AFAP1: variants seen among roughly 807,000 people sequenced by gnomAD.
The protein encoded by AFAP1 is actin filament-associated protein 1.
AFAP1 carries 75 observed loss-of-function variants against 93.9 expected under a neutral mutation model. The observed-to-expected ratio is 0.80, with a 90% CI of 0.66 to 0.97. The LOEUF is 0.97. Ranked by LOEUF, AFAP1 falls within the 50% of genes least tolerant of loss-of-function variation. AFAP1 has a pLI of 0.00. For synonymous variants in AFAP1, 517 were observed against 430.7 expected (o/e 1.20, Z -2.48); for missense variants, 1,201 against 1,050.8 (o/e 1.14, Z -1.98).
In AFAP1 at chr4:7,778,769, C is replaced by T. The variant is rs865904137; in HGVS notation, c.1890G>A (p.Thr630=). 4.3e-6 allele frequency: 7 copies of T among 1,613,944 alleles called. No individual in the cohort carries two copies. The highest frequency in any genetic ancestry group is 4.0e-5 in the African/African-American group (3 of 75,046). Residue 630 remains threonine, a synonymous_variant, in exon 14 of 18, where the codon ACG becomes ACA. Transcript: ENST00000420658. The stretch of plus-strand genomic sequence containing the variant: ...ATCCGATGGTATACTTACTCGAACC[C>T]GTCCTTTTCACAACAGCCGCGGGAT... The part of the protein sequence containing the change: ...KADPAAVVKR[T]GSNAAQYKYG...
intron 1 of AFAP1, among the ~76,000 whole-genome samples, chr4:7,934,874 C>G (rs1721288339): frequency 6.6e-6 from 1 of 152,172 alleles, no homozygotes; most frequent in Non-Finnish European, 1.5e-5. Flanking sequence ...TTTACGTGGA[C>G]ATTCATTACT....
intron 1 of AFAP1, among the ~76,000 whole-genome samples, chr4:7,902,543 C>A (rs1481574922): frequency 6.6e-6 from 1 of 151,924 alleles, no homozygotes; most frequent in Non-Finnish European, 1.5e-5. Flanking sequence ...GTTTCCGAAT[C>A]TCCTTCTATT....
intron 9 of AFAP1, among the ~76,000 whole-genome samples, chr4:7,803,453 C>A (rs76479836): frequency 6.6e-6 from 1 of 152,082 alleles, no homozygotes; most frequent in Non-Finnish European, 1.5e-5. Flanking sequence ...GTCCCGATCC[C>A]CAAAACCACA....
At chr4:7,867,085 G>GGGGAGGGGAA (rs1716492288) in intron 3 of AFAP1, among the ~76,000 whole-genome samples, 1 of 91,710 alleles carries the variant, frequency 1.1e-5, no homozygotes, top group Non-Finnish European at 2.4e-5. Context: ...AGGGAGGGGA[G>GGGGAGGGGAA]GAGAGGGGAG....
At chr4:7,817,723 T>C (rs1160183569) in intron 7 of AFAP1, among the ~76,000 whole-genome samples, 3 of 151,224 alleles carry the variant, frequency 2.0e-5, no homozygotes, top group African/African-American at 7.3e-5. Flanking sequence ...GGCTTAAGAG[T>C]TGTTAAAAAC....
intron 1 of AFAP1, among the ~76,000 whole-genome samples, chr4:7,916,109 A>G (rs1720072287): frequency 6.6e-6 from 1 of 152,092 alleles, no homozygotes; most frequent in South Asian, 2.1e-4. Flanking sequence ...GTGTTCAGAT[A>G]CCAGGAGCAC....
At chr4:7,920,182 G>C (rs1403344162) in intron 1 of AFAP1, among the ~76,000 whole-genome samples, 1 of 152,136 alleles carries the variant, frequency 6.6e-6, no homozygotes, top group Non-Finnish European at 1.5e-5. Flanking sequence ...GAGTCAAATG[G>C]TATTTCTGGT....
chr4:7,787,946 G>A (rs1393263894), intron 11 of AFAP1, among the ~76,000 whole-genome samples: 1 of 148,018 alleles, frequency 6.8e-6, no homozygotes, highest in Non-Finnish European at 1.5e-5. Flanking sequence ...CCAGGTCTCC[G>A]CGTGGGTGCT....
intron 1 of AFAP1, among the ~76,000 whole-genome samples, chr4:7,888,174 A>C (rs1181495465): frequency 6.6e-6 from 1 of 152,256 alleles, no homozygotes; most frequent in African/African-American, 2.4e-5. Flanking sequence ...TTCAACACAA[A>C]AACTTGGATT....
chr4:7,816,019 T>G lies in AFAP1; in HGVS notation c.903A>C (p.Gln301His), dbSNP rs1335106252. The change falls in exon 8 of 18, where the codon CAA becomes CAC. Residue 301 changes from glutamine (Q) to histidine (H), a missense_variant and splice_region_variant. By Grantham distance (24) the Gln-to-His change is conservative (BLOSUM62 0). Coordinates refer to ENST00000420658, the MANE Select transcript of AFAP1 (RefSeq NM_001134647.2). Reference protein sequence around the residue: ...NGITTCNGKEQVKRKKSSKSE... With the variant: ...NGITTCNGKEHVKRKKSSKSE... ...GTTTTTGGCACAAGCAGAACTCACC[T>G]TGCTCCTTTCCATTACATGTGGTAA... 1 of 1,611,534 alleles carries G rather than the reference T, an allele frequency of 6.2e-7. No individual in the cohort carries two copies. The highest frequency in any genetic ancestry group is 1.7e-5 in the Admixed American group (1 of 59,948).
At chr4:7,914,537 T>C (rs1345956856) in intron 1 of AFAP1, among the ~76,000 whole-genome samples, 1 of 152,158 alleles carries the variant, frequency 6.6e-6, no homozygotes, top group Non-Finnish European at 1.5e-5. Flanking sequence ...TCTCTATCCA[T>C]CATGTGCTGC....
chr4:7,858,155 T>C (rs1715280900), intron 3 of AFAP1, among the ~76,000 whole-genome samples: 1 of 152,182 alleles, frequency 6.6e-6, no homozygotes, highest in Admixed American at 6.6e-5. Context: ...TACGAGATAC[T>C]GCTGCATCAA....
In AFAP1 at chr4:7,774,537, C is replaced by T. The variant is rs1041658130; in HGVS notation, c.2062+202G>A. 11 of 761,988 alleles carry T rather than the reference C, an allele frequency of 1.4e-5. 1 individual carries two copies. The highest frequency in any genetic ancestry group is 1.1e-4 in the South Asian group (5 of 47,518). 47.2% of individuals were successfully genotyped at this position (761,988 alleles called of 1,614,324 possible). ...GGTCTGGCCCTGGCCTCTGCCTGCA[C>T]GCCGCATGTTTGACCACACAGGCAC... On this transcript the variant is annotated intron_variant, in intron 15 of 17. Coordinates refer to ENST00000420658, the MANE Select transcript of AFAP1 (RefSeq NM_001134647.2).
chr4:7,891,487 G>C (rs1718468573), intron 1 of AFAP1, among the ~76,000 whole-genome samples: 3 of 152,104 alleles, frequency 2.0e-5, no homozygotes, highest in Non-Finnish European at 4.4e-5. Context: ...AGAACTTTAA[G>C]AGATTTTGCT....
In AFAP1 at chr4:7,760,714, C is replaced by T. The variant is rs1314405314; in HGVS notation, c.*3051G>A. On this transcript the variant is annotated 3_prime_UTR_variant, in exon 18 of 18. Transcript: ENST00000420658. ...AAATGGAGGTTGAAGGCTGATGACA[C>T]CTTAACAAAATAGAGCCAGGAGCAG... The T allele has an allele frequency of 6.6e-6, 1 of 152,244 alleles. No individual in the cohort carries two copies. Among genetic ancestry groups the T allele is most frequent in the Non-Finnish European group, 1.5e-5 (1 of 68,048 alleles). The allele number at this position is 152,244 out of a possible 1,614,324, so 9.4% of individuals were successfully genotyped here.
chr4:7,846,007 C>T (rs1560195482), intron 4 of AFAP1, among the ~76,000 whole-genome samples: 2 of 152,164 alleles, frequency 1.3e-5, no homozygotes, highest in Non-Finnish European at 2.9e-5. Flanking sequence ...AGAGCCAGGC[C>T]TTGAGACAAG....
chr4:7,821,100 A>C lies in AFAP1; in HGVS notation c.727-1929T>G, dbSNP rs1720934638. On this transcript the variant is annotated intron_variant, in intron 6 of 17. Coordinates refer to ENST00000420658, the MANE Select transcript of AFAP1 (RefSeq NM_001134647.2). ...ACCACTGCACTCCAGCCTGGGCGAC[A>C]AGAGTGAAACTCCATCTCCAAAAAT... Among the ~76,000 whole-genome samples, 3 of 152,194 alleles carry C rather than the reference A, an allele frequency of 2.0e-5. No homozygotes were observed. In the South Asian group the frequency reaches 6.2e-4, roughly 31 times the overall value.
intron 1 of AFAP1, among the ~76,000 whole-genome samples, chr4:7,910,690 G>C (rs1317518006): frequency 6.6e-6 from 1 of 152,240 alleles, no homozygotes; most frequent in Non-Finnish European, 1.5e-5. Flanking sequence ...TCCACAGGCA[G>C]CACCCAGTCT....
intron 1 of AFAP1, among the ~76,000 whole-genome samples, chr4:7,883,915 T>C (rs1456338451): frequency 6.6e-6 from 1 of 152,146 alleles, no homozygotes; most frequent in Non-Finnish European, 1.5e-5. Flanking sequence ...TTTCGAGCAA[T>C]AGCAATAATA....
Sources: gnomAD v4.1 joint callset for allele counts (sites outside exome capture counted in the v4.1 genomes callset) on GRCh38, gnomAD v4.1.1 for gene constraint, MANE v1.5 for transcripts, NCBI Gene and HGNC (gene_info 2026-07-23, HGNC 2026-07-21) for gene names.